ADAM2: variants seen among roughly 807,000 people sequenced by gnomAD.
The protein encoded by ADAM2 is ADAM metallopeptidase domain 2.
A neutral mutation model predicts 99.3 loss-of-function variants in ADAM2; 101 were observed. The observed-to-expected ratio is 1.02, with a 90% CI of 0.87 to 1.20. ADAM2 has a LOEUF of 1.20. Ranked by LOEUF, ADAM2 falls within the 50% of genes most tolerant of loss-of-function variation. The pLI, the probability that ADAM2 is intolerant of heterozygous loss-of-function variation, is 0.00. For synonymous variants in ADAM2, 323 were observed against 287.6 expected, an observed-to-expected ratio of 1.12 and a Z score of -1.25; for missense variants, 948 against 878.7, an observed-to-expected ratio of 1.08 and a Z score of -1.00.
intron 7 of ADAM2, among the ~76,000 whole-genome samples, chr8:39,798,589 G>A (rs903897032): frequency 6.6e-6 from 1 of 152,120 alleles, no homozygotes; most frequent in Non-Finnish European, 1.5e-5. Context: ...CTTTTCAATT[G>A]TTTGGAATAG....
At chr8:39,802,019 C>A (rs1804236330) in intron 7 of ADAM2, among the ~76,000 whole-genome samples, 1 of 152,106 alleles carries the variant, frequency 6.6e-6, no homozygotes, top group South Asian at 2.1e-4. Context: ...TCAGCCAGTG[C>A]TGGCTGCCCC....
intron 12 of ADAM2, among the ~76,000 whole-genome samples, chr8:39,767,452 C>T (rs1351460042): frequency 2.0e-5 from 3 of 152,150 alleles, no homozygotes; most frequent in Non-Finnish European, 4.4e-5. Context: ...ATGTGTTGCT[C>T]ATATTGCTAT....
intron 6 of ADAM2, among the ~76,000 whole-genome samples, chr8:39,814,002 C>T (rs1346347091): frequency 6.6e-6 from 1 of 151,212 alleles, no homozygotes; most frequent in African/African-American, 2.4e-5. Context: ...AAGAAAACTA[C>T]ACAGATGCAT....
At chr8:39,836,636 TA>T (rs1324073501) in intron 2 of ADAM2, among the ~76,000 whole-genome samples, 8 of 152,074 alleles carry the variant, frequency 5.3e-5, no homozygotes, top group Non-Finnish European at 1.2e-4. Flanking sequence ...ATTCAAATTT[TA>T]AAAAGAGAGT....
intron 3 of ADAM2, among the ~76,000 whole-genome samples, chr8:39,828,090 T>C (rs898859014): frequency 6.6e-6 from 1 of 151,938 alleles, no homozygotes; most frequent in Non-Finnish European, 1.5e-5. Context: ...AGTCTTATAA[T>C]AGAAATATAT....
chr8:39,809,206 TTTTC>T (rs568210794), intron 7 of ADAM2, among the ~76,000 whole-genome samples, 200 bp downstream of exon 7: 28 of 152,210 alleles, frequency 1.8e-4, no homozygotes, highest in Non-Finnish European at 4.1e-4. Context: ...GTAGCAATTA[TTTTC>T]TTTATGTTGC....
At chr8:39,749,502 T>G in intron 17 of ADAM2, 52 bp from the exon 18 acceptor site, 2 of 1,564,298 alleles carry the variant, frequency 1.3e-6, no homozygotes, top group Non-Finnish European at 1.8e-6. Context: ...GATTTATATA[T>G]GTTCAAGTAG....
chr8:39,751,773 T>A (rs939588879), intron 16 of ADAM2, among the ~76,000 whole-genome samples: 1 of 152,016 alleles, frequency 6.6e-6, no homozygotes, highest in Non-Finnish European at 1.5e-5. Flanking sequence ...GCGGAATAGG[T>A]TCCTACAGAA....
intron 1 of ADAM2, 64 bp downstream of exon 1, chr8:39,838,067 T>C (rs1431619949): frequency 1.9e-5 from 30 of 1,550,640 alleles, no homozygotes; most frequent in Non-Finnish European, 2.7e-5. Flanking sequence ...CAATGTAACT[T>C]GGAGGCAAAG....
chr8:39,778,619 C>T (rs1188752519), intron 10 of ADAM2, among the ~76,000 whole-genome samples: 1 of 151,882 alleles, frequency 6.6e-6, no homozygotes, highest in African/African-American at 2.4e-5. Flanking sequence ...CAAATTTCCA[C>T]ATTTTAAATG....
intron 12 of ADAM2, among the ~76,000 whole-genome samples, chr8:39,768,278 A>G (rs953565308): frequency 2.6e-5 from 4 of 152,184 alleles, no homozygotes; most frequent in Non-Finnish European, 5.9e-5. Flanking sequence ...AATTTTTTAA[A>G]AACATATCAC....
rs538383048 is a variant in ADAM2, at chr8:39,760,549, G to T, written c.1613+627C>A. 3.3e-5 allele frequency among the ~76,000 whole-genome samples: 5 copies of T among 151,980 alleles called. No individual in the cohort carries two copies. The East Asian group carries it at 9.8e-4, about 30-fold the overall frequency. ...ATCCTGGCTAACACGGTGAAACCCC[G>T]TCTCTACTGAAAACACAAAAAATTA... On this transcript the variant is annotated intron_variant, in intron 15 of 20. Transcript: ENST00000265708.
intron 15 of ADAM2, among the ~76,000 whole-genome samples, chr8:39,760,315 A>C (rs914159961): frequency 6.6e-6 from 1 of 152,218 alleles, no homozygotes; most frequent in Non-Finnish European, 1.5e-5. Context: ...ATTAATATTC[A>C]TATATTACAT....
intron 18 of ADAM2, 131 bp from the exon 19 acceptor site, chr8:39,746,762 T>G (rs1295103684): frequency 5.5e-6 from 4 of 721,826 alleles, no homozygotes; most frequent in Admixed American, 7.2e-5. Context: ...ACATATTTTC[T>G]ATGAAATAGA....
At chr8:39,744,491 G>A (rs1014086827) in intron 20 of ADAM2, among the ~76,000 whole-genome samples, 15 of 151,878 alleles carry the variant, frequency 9.9e-5, no homozygotes, top group Admixed American at 6.6e-4. Context: ...GCAGGGACAT[G>A]GATGAAGCTG....
In ADAM2 at chr8:39,822,843, A is replaced by C. The variant is rs554411641; in HGVS notation, c.268-1181T>G. 1.4e-4 allele frequency among the ~76,000 whole-genome samples: 22 copies of C among 151,906 alleles called. 1 individual carries two copies. Among genetic ancestry groups the C allele is most frequent in the African/African-American group, 5.3e-4 (22 of 41,404 alleles). ...GTGTGCAGTGGCGTGATCTCGGCTC[A>C]CTGCAATCTCCTCCACCTGGGTTCC... On this transcript the variant is annotated intron_variant, in intron 4 of 20. Coordinates refer to ENST00000265708, the MANE Select transcript of ADAM2 (RefSeq NM_001464.5).
chr8:39,755,781 C>T lies in ADAM2; in HGVS notation c.1744G>A (p.Ala582Thr). 6.2e-7 allele frequency: 1 copy of T among 1,613,660 alleles called. No homozygotes were observed. Among genetic ancestry groups the T allele is most frequent in the Non-Finnish European group, 8.5e-7 (1 of 1,179,790 alleles). The change falls in exon 16 of 21, where the codon GCA becomes ACA. Residue 582 changes from alanine to threonine, a missense_variant. Coordinates refer to ENST00000265708, the MANE Select transcript of ADAM2 (RefSeq NM_001464.5). ...CIAVEFASDH[A>T]DSQKMWIKDG... ...TTTATCCACATCTTTTGGCTGTCTG[C>T]ATGATCACTGGCAAATTCCACAGCA...
intron 8 of ADAM2, 68 bp downstream of exon 8, chr8:39,788,601 C>A: frequency 9.0e-7 from 1 of 1,107,968 alleles, no homozygotes. Context: ...CATGTAGTGT[C>A]ATAATGAGGT....
At chr8:39,796,510 A>ATGTGTC (rs775294769) in intron 7 of ADAM2, among the ~76,000 whole-genome samples, 4 of 152,282 alleles carry the variant, frequency 2.6e-5, no homozygotes, top group Admixed American at 1.3e-4. Context: ...ATACATGAGC[A>ATGTGTC]TGTGTCTTTA....
Sources: gnomAD v4.1 joint callset for allele counts (sites outside exome capture counted in the v4.1 genomes callset) on GRCh38, gnomAD v4.1.1 for gene constraint, MANE v1.5 for transcripts, NCBI Gene and HGNC (gene_info 2026-07-23, HGNC 2026-07-21) for gene names.